Variants in LRRC28 observed in about 807,000 individuals in gnomAD.
LRRC28 encodes leucine-rich repeat-containing protein 28.
LRRC28 carries 39 observed loss-of-function variants against 45.7 expected under a neutral mutation model. The observed-to-expected ratio is 0.85, with a 90% CI of 0.66 to 1.12. The LOEUF (loss-of-function observed/expected upper bound fraction) is 1.12, where lower values mean the gene tolerates loss of function less well. Among genes scored for constraint, LRRC28 ranks in the 50% most tolerant of loss-of-function variants. The probability of loss-of-function intolerance (pLI) is 0.00; values close to 1 mark genes in which losing one functional copy is unlikely to be tolerated. For missense variants in LRRC28, 435 were observed against 438.5 expected, an observed-to-expected ratio of 0.99 and a Z score of 0.07; for synonymous variants, 206 against 178.8, an observed-to-expected ratio of 1.15 and a Z score of -1.22.
At chr15:99,262,838 T>A (rs942497170) in intron 2 of LRRC28, among the ~76,000 whole-genome samples, 5 of 151,138 alleles carry the variant, frequency 3.3e-5, no homozygotes, top group African/African-American at 1.2e-4. Context: ...TTTATAGAGA[T>A]GGGGTCTTGC....
At chr15:99,288,107 A>G (rs1203714270) in intron 5 of LRRC28, among the ~76,000 whole-genome samples, 156 bp downstream of exon 5, 1 of 152,240 alleles carries the variant, frequency 6.6e-6, no homozygotes, top group Non-Finnish European at 1.5e-5. Context: ...AATATTACTA[A>G]GAGTCTTTTT....
At chr15:99,259,935 A>G (rs2081147348) in intron 2 of LRRC28, 1 of 679,010 alleles carries the variant, frequency 1.5e-6, no homozygotes, top group Non-Finnish European at 2.7e-6. Flanking sequence ...AAAGAGCAAG[A>G]CAAAGACAAA....
rs540861608 is a variant in LRRC28, at chr15:99,319,406, G to A, written c.386-14517G>A. ...AGAAATCCATGTACAGACACAAAGC[G>A]ATAACAAAGATGCTAACTTTTAGAA... On this transcript the variant is annotated intron_variant, in intron 5 of 9. Transcript: ENST00000301981. 4.6e-5 allele frequency among the ~76,000 whole-genome samples: 7 copies of A among 152,208 alleles called. No homozygotes were observed. In the East Asian group the frequency reaches 1.2e-3, roughly 25 times the overall value.
At chr15:99,368,646 G>C (rs909513493) in intron 9 of LRRC28, among the ~76,000 whole-genome samples, 1 of 152,160 alleles carries the variant, frequency 6.6e-6, no homozygotes, top group African/African-American at 2.4e-5. Context: ...AATCCCAGAA[G>C]TCTGACAGCA....
At chr15:99,306,315 G>A (rs1407868461) in intron 5 of LRRC28, among the ~76,000 whole-genome samples, 4 of 152,170 alleles carry the variant, frequency 2.6e-5, no homozygotes, top group Non-Finnish European at 5.9e-5. Context: ...ATGGACCGAT[G>A]GGGATTTGAG....
intron 3 of LRRC28, among the ~76,000 whole-genome samples, chr15:99,278,705 G>A (rs957051461): frequency 2.6e-5 from 4 of 152,208 alleles, no homozygotes; most frequent in Non-Finnish European, 5.9e-5. Flanking sequence ...CAAATGTAGT[G>A]ATTTAAAAGA....
intron 5 of LRRC28, among the ~76,000 whole-genome samples, chr15:99,301,162 A>G (rs1954955341): frequency 6.6e-6 from 1 of 152,244 alleles, no homozygotes; most frequent in African/African-American, 2.4e-5. Flanking sequence ...TGTATTTTAC[A>G]AAGACCAAAT....
rs148810889 is a variant in LRRC28, at chr15:99,317,880, C to G, written c.386-16043C>G. Reference sequence around the variant, plus strand: ...ATTGTTCTTTTCCACTGTTTTGTTACTTCCTTCCTATTATTGAGGAGCATT... The same window carrying G: ...ATTGTTCTTTTCCACTGTTTTGTTAGTTCCTTCCTATTATTGAGGAGCATT... On this transcript the variant is annotated intron_variant, in intron 5 of 9. Coordinates refer to ENST00000301981, the MANE Select transcript of LRRC28 (RefSeq NM_144598.5). 3.9e-5 allele frequency among the ~76,000 whole-genome samples: 6 copies of G among 152,248 alleles called. No individual in the cohort carries two copies. The East Asian group carries it at 1.2e-3, about 29-fold the overall frequency.
At chr15:99,342,475 A>G (rs554324569) in intron 6 of LRRC28, among the ~76,000 whole-genome samples, 2 of 152,246 alleles carry the variant, frequency 1.3e-5, no homozygotes, top group African/African-American at 2.4e-5. Flanking sequence ...GTAAAAGGGT[A>G]ATATTAGCAC....
intron 7 of LRRC28, among the ~76,000 whole-genome samples, chr15:99,360,082 A>G (rs1425172053): frequency 6.6e-6 from 1 of 152,168 alleles, no homozygotes; most frequent in African/African-American, 2.4e-5. Flanking sequence ...AAAAAAAACC[A>G]CACCTAACAG....
chr15:99,315,569 G>A (rs1955564268), intron 5 of LRRC28, among the ~76,000 whole-genome samples: 1 of 152,104 alleles, frequency 6.6e-6, no homozygotes, highest in African/African-American at 2.4e-5. Flanking sequence ...CTCATATGCT[G>A]TCCATATATT....
chr15:99,270,246 T>A (rs2081439257), intron 2 of LRRC28, among the ~76,000 whole-genome samples: 1 of 152,352 alleles, frequency 6.6e-6, no homozygotes, highest in African/African-American at 2.4e-5. Flanking sequence ...CTTCATTAGC[T>A]TTTTAAAAAC....
chr15:99,282,309 C>T (rs2081826150), intron 3 of LRRC28, among the ~76,000 whole-genome samples: 1 of 150,434 alleles, frequency 6.6e-6, no homozygotes, highest in Non-Finnish European at 1.5e-5. Flanking sequence ...TTGGGATTTC[C>T]TTCCTGTTCT....
At chr15:99,377,328 G>A (rs540245504) in intron 9 of LRRC28, among the ~76,000 whole-genome samples, 2 of 152,010 alleles carry the variant, frequency 1.3e-5, no homozygotes, top group Non-Finnish European at 2.9e-5. Context: ...GTGTTTTTTG[G>A]CTGCATAAAT....
At chr15:99,337,222 A>C (rs1956354508) in intron 6 of LRRC28, among the ~76,000 whole-genome samples, 1 of 152,218 alleles carries the variant, frequency 6.6e-6, no homozygotes, top group Non-Finnish European at 1.5e-5. Context: ...GTATGTGCCA[A>C]GGTGGCAGTG....
Position 99,386,512 on chromosome 15 carries a change from C to CCTGAGACCA in LRRC28, c.*411_*419dup, listed in dbSNP as rs1957996529. The CCTGAGACCA allele has an allele frequency of 6.3e-6, 1 of 159,902 alleles. No individual in the cohort carries two copies. The highest frequency in any genetic ancestry group is 1.4e-5 in the Non-Finnish European group (1 of 73,026). The allele number at this position is 159,902 out of a possible 1,614,324, so 9.9% of individuals were successfully genotyped here. A position where few individuals can be genotyped will look rare whatever the true frequency, so the allele number is the denominator to read the frequency against. On this transcript the variant is annotated 3_prime_UTR_variant, in exon 10 of 10. Transcript: ENST00000301981. ...CTTGCTTTCCCCAGAGAGTTATTTC[C>CCTGAGACCA]CTGAGACCATGTTCTCCACAGTGTC...
chr15:99,336,240 C>A (rs1439267146), intron 6 of LRRC28, among the ~76,000 whole-genome samples: 1 of 152,124 alleles, frequency 6.6e-6, no homozygotes, highest in Non-Finnish European at 1.5e-5. Context: ...AACCTTATGA[C>A]AAAATCTATT....
At chr15:99,341,083 CTTTTTTTTTT>C (rs528372394) in intron 6 of LRRC28, among the ~76,000 whole-genome samples, 5 of 100,502 alleles carry the variant, frequency 5.0e-5, no homozygotes, top group Admixed American at 1.3e-4. Context: ...ATTCTACTGT[CTTTTTTTTTT>C]TTTTTTTTTT....
Position 99,299,226 on chromosome 15 carries a change from G to A in LRRC28, c.385+11275G>A, listed in dbSNP as rs531715594. On this transcript the variant is annotated intron_variant, in intron 5 of 9. Transcript: ENST00000301981. ...TTTGATAAATACGTTAACAAAGATA[G>A]CATTTTCATCTGTAATTATTTTATA... 8.5e-4 allele frequency among the ~76,000 whole-genome samples: 129 copies of A among 152,228 alleles called. No homozygotes were observed. In the Middle Eastern group the frequency reaches 0.01, roughly 12 times the overall value.
Sources: gnomAD v4.1 joint callset for allele counts (sites outside exome capture counted in the v4.1 genomes callset) on GRCh38, gnomAD v4.1.1 for gene constraint, MANE v1.5 for transcripts, NCBI Gene and HGNC (gene_info 2026-07-23, HGNC 2026-07-21) for gene names.